The following DENND4A variants were observed in gnomAD, a reference collection of about 807,000 sequenced individuals.
The protein encoded by DENND4A is DENN domain containing 4A.
Under a neutral mutation model 199.3 loss-of-function variants are expected in DENND4A, and 70 were observed. The observed-to-expected ratio is 0.35, with a 90% CI of 0.29 to 0.43. The LOEUF (loss-of-function observed/expected upper bound fraction) is 0.43, where lower values mean the gene tolerates loss of function less well. Among genes scored for constraint, DENND4A ranks in the 20% least tolerant of loss-of-function variants. The pLI, the probability that DENND4A is intolerant of heterozygous loss-of-function variation, is 1.00. For synonymous variants in DENND4A, 686 were observed against 766.9 expected (o/e 0.89, Z 1.74); for missense variants, 1,723 against 2,255.8 (o/e 0.76, Z 4.78).
chr15:65,738,055 G>A lies in DENND4A; in HGVS notation c.802-110C>T. The A allele has an allele frequency of 1.9e-6, 2 of 1,073,678 alleles. 1 individual carries two copies. Among genetic ancestry groups the A allele is most frequent in the South Asian group, 3.4e-5 (2 of 59,506 alleles). 66.5% of individuals were successfully genotyped at this position (1,073,678 alleles called of 1,614,324 possible). On this transcript the variant is annotated intron_variant, in intron 6 of 32. Coordinates refer to ENST00000443035, the MANE Select transcript of DENND4A (RefSeq NM_001320835.1). ...TGCTATGAGCCAGGTGAGAGGCCAG[G>A]TATTAAGAACACAGTGATGAAGAGA...
At position 65,756,240 on chromosome 15, in the gene DENND4A, T is replaced by C. The variant is rs1467208850; in HGVS notation, c.211A>G (p.Thr71Ala). Reference sequence around the variant, plus strand: ...TTATTAAGATCAGCTGACAATCCAGTTGGGGTAACATCAATACAGATATAA... The same window carrying C: ...TTATTAAGATCAGCTGACAATCCAGCTGGGGTAACATCAATACAGATATAA... ...QDYICIDVTP[T>A]GLSADLNNGS... Residue 71 changes from threonine (T) to alanine (A), a missense_variant, in exon 3 of 33, where the codon ACT (threonine) becomes GCT (alanine). By Grantham distance (58) the Thr-to-Ala change is moderately conservative. Transcript: ENST00000443035. The C allele has an allele frequency of 2.5e-6, 4 of 1,612,644 alleles. No homozygotes were observed. Among genetic ancestry groups the C allele is most frequent in the East Asian group, 2.2e-5 (1 of 44,816 alleles).
In DENND4A at chr15:65,667,707, T is replaced by C. The variant is rs765494675; in HGVS notation, c.4987-4A>G. 1.2e-6 allele frequency: 2 copies of C among 1,601,412 alleles called. No homozygotes were observed. Among genetic ancestry groups the C allele is most frequent in the East Asian group, 2.2e-5 (1 of 44,808 alleles). On this transcript the variant is annotated splice_region_variant and splice_polypyrimidine_tract_variant and intron_variant, in intron 28 of 32. Coordinates refer to ENST00000443035, the MANE Select transcript of DENND4A (RefSeq NM_001320835.1). ...GCCATTCTAAACCTAAAGAATCCTG[T>C]TGAATAAATAAAAACCATAAATGGC...
At position 65,659,799 on chromosome 15, in the gene DENND4A, G is replaced by A. The variant is rs534249593; in HGVS notation, c.*2052C>T. On this transcript the variant is annotated 3_prime_UTR_variant, in exon 33 of 33. Coordinates refer to ENST00000443035, the MANE Select transcript of DENND4A (RefSeq NM_001320835.1). ...AAAAGCAGAAACAAAACTTGGGGTG[G>A]AAAGAGGAGGTAAAAATTACATTCG... The A allele has an allele frequency of 3.4e-4, 52 of 153,700 alleles. No individual in the cohort carries two copies. The highest frequency in any genetic ancestry group is 5.9e-4 in the Non-Finnish European group (41 of 68,974). 9.5% of individuals were successfully genotyped at this position (153,700 alleles called of 1,614,324 possible). A position where few individuals can be genotyped will look rare whatever the true frequency, so the allele number is the denominator to read the frequency against.
chr15:65,676,137 G>GAAA (rs929892402), intron 24 of DENND4A, among the ~76,000 whole-genome samples: 1 of 96,822 alleles, frequency 1.0e-5, no homozygotes, highest in African/African-American at 3.7e-5. Context: ...AAGTAATAAG[G>GAAA]AAAAATATAT....
chr15:65,719,765 T>G (rs948194407), intron 12 of DENND4A, among the ~76,000 whole-genome samples: 2 of 151,600 alleles, frequency 1.3e-5, no homozygotes, highest in Non-Finnish European at 2.9e-5. Context: ...TGTGATAGCT[T>G]GTGTCTGTAG....
intron 5 of DENND4A, among the ~76,000 whole-genome samples, chr15:65,739,793 A>G (rs530679057): frequency 6.6e-6 from 1 of 152,366 alleles, no homozygotes; most frequent in African/African-American, 2.4e-5. Context: ...CATGCTAGCC[A>G]GCAAGTAGGT....
At chr15:65,693,244 G>A (rs1328612637) in intron 22 of DENND4A, among the ~76,000 whole-genome samples, 1 of 152,026 alleles carries the variant, frequency 6.6e-6, no homozygotes, top group Non-Finnish European at 1.5e-5. Context: ...GAGGGTTTTT[G>A]GAAAAATTAT....
At chr15:65,786,537 C>T (rs1317907901) in intron 1 of DENND4A, among the ~76,000 whole-genome samples, 1 of 151,122 alleles carries the variant, frequency 6.6e-6, no homozygotes, top group East Asian at 1.9e-4. Context: ...TGAGACCAGC[C>T]TAGGCAACAT....
intron 15 of DENND4A, among the ~76,000 whole-genome samples, chr15:65,704,035 T>G (rs1567024919): frequency 6.6e-6 from 1 of 152,172 alleles, no homozygotes; most frequent in Non-Finnish European, 1.5e-5. Context: ...CACATTACTA[T>G]AGTCAAATTC....
intron 5 of DENND4A, among the ~76,000 whole-genome samples, chr15:65,739,262 A>G (rs1259286461): frequency 6.6e-6 from 1 of 152,210 alleles, no homozygotes; most frequent in Non-Finnish European, 1.5e-5. Flanking sequence ...GCTCTCAATA[A>G]CTTTTACACA....
intron 8 of DENND4A, among the ~76,000 whole-genome samples, chr15:65,732,218 T>C (rs1374562111): frequency 6.6e-6 from 1 of 152,096 alleles, no homozygotes; most frequent in East Asian, 1.9e-4. Context: ...TTAACTTCCA[T>C]CATAAAACAA....
At chr15:65,777,050 C>G (rs1199625862) in intron 1 of DENND4A, among the ~76,000 whole-genome samples, 2 of 152,120 alleles carry the variant, frequency 1.3e-5, no homozygotes, top group Non-Finnish European at 2.9e-5. Flanking sequence ...TGCCTGTAAT[C>G]CCAGCTACTC....
At chr15:65,788,625 A>C (rs1455591974) in intron 1 of DENND4A, among the ~76,000 whole-genome samples, 1 of 152,112 alleles carries the variant, frequency 6.6e-6, no homozygotes, top group South Asian at 2.1e-4. Context: ...TGGGAGGCCA[A>C]CGCGGGCAGA....
chr15:65,760,125 GGTAAA>G (rs1168372768), intron 2 of DENND4A, among the ~76,000 whole-genome samples: 1 of 152,076 alleles, frequency 6.6e-6, no homozygotes, highest in Non-Finnish European at 1.5e-5. Flanking sequence ...AAATTACTCT[GGTAAA>G]GTATTTTCAT....
At chr15:65,728,031 CAG>C (rs2075856532) in intron 11 of DENND4A, among the ~76,000 whole-genome samples, 1 of 151,068 alleles carries the variant, frequency 6.6e-6, no homozygotes, top group African/African-American at 2.4e-5. Context: ...TCTTTTGAGA[CAG>C]AGTCTCCCTC....
At chr15:65,768,263 C>T (rs897125277) in intron 1 of DENND4A, among the ~76,000 whole-genome samples, 1 of 152,120 alleles carries the variant, frequency 6.6e-6, no homozygotes, top group African/African-American at 2.4e-5. Context: ...GTGATCTGCC[C>T]GTGCCGGCAT....
chr15:65,681,976 AAC>A (rs1292283066), intron 23 of DENND4A, among the ~76,000 whole-genome samples: 1 of 152,216 alleles, frequency 6.6e-6, no homozygotes, highest in East Asian at 1.9e-4. Context: ...AATGGGTTTA[AAC>A]ATTCAGTAAA....
intron 1 of DENND4A, among the ~76,000 whole-genome samples, 172 bp from the exon 2 acceptor site, chr15:65,761,610 G>C: frequency 6.6e-6 from 1 of 151,410 alleles, no homozygotes; most frequent in East Asian, 1.9e-4. Flanking sequence ...CAAGATTTCA[G>C]TAAAGAATAA....
chr15:65,709,149 G>C (rs776003116), intron 14 of DENND4A, among the ~76,000 whole-genome samples: 13 of 152,088 alleles, frequency 8.5e-5, no homozygotes, highest in Non-Finnish European at 1.9e-4. Context: ...AAGAGGATTT[G>C]TTCACTTAAA....
Sources: gnomAD v4.1 joint callset for allele counts (sites outside exome capture counted in the v4.1 genomes callset) on GRCh38, gnomAD v4.1.1 for gene constraint, MANE v1.5 for transcripts, NCBI Gene and HGNC (gene_info 2026-07-23, HGNC 2026-07-21) for gene names.